KCNQ5: variants seen among roughly 807,000 people sequenced by gnomAD.
KCNQ5 encodes the protein potassium voltage-gated channel subfamily Q member 5.
Under a neutral mutation model 98.2 loss-of-function variants are expected in KCNQ5, and 30 were observed. The ratio of observed to expected loss-of-function variants is 0.31; its 90% CI spans 0.23 to 0.41. The LOEUF is 0.41. KCNQ5 is among the 10% of genes least tolerant of loss of function. The pLI is 1.00. For synonymous variants in KCNQ5, 458 were observed against 449.4 expected (o/e 1.02, Z -0.24); for missense variants, 835 against 1,182.5 (o/e 0.71, Z 4.31).
intron 1 of KCNQ5, among the ~76,000 whole-genome samples, chr6:72,856,362 T>C (rs1200209827): frequency 6.6e-6 from 1 of 151,926 alleles, no homozygotes; most frequent in Non-Finnish European, 1.5e-5. Flanking sequence ...AATTGGAAAA[T>C]GTATAATTTG....
At chr6:72,710,238 C>T (rs1769295450) in intron 1 of KCNQ5, among the ~76,000 whole-genome samples, 1 of 152,050 alleles carries the variant, frequency 6.6e-6, no homozygotes, top group African/African-American at 2.4e-5. Flanking sequence ...GAATTGTGTC[C>T]CCCCAAAATA....
At chr6:73,185,317 G>T (rs1562224953) in intron 11 of KCNQ5, among the ~76,000 whole-genome samples, 1 of 152,118 alleles carries the variant, frequency 6.6e-6, no homozygotes, top group Non-Finnish European at 1.5e-5. Flanking sequence ...AAGTAGCTGG[G>T]AGCATAGGCA....
At chr6:72,789,813 T>C (rs1773939389) in intron 1 of KCNQ5, among the ~76,000 whole-genome samples, 1 of 152,220 alleles carries the variant, frequency 6.6e-6, no homozygotes, top group East Asian at 1.9e-4. Flanking sequence ...TCTTTTCCCT[T>C]CCTAAAAATA....
intron 1 of KCNQ5, among the ~76,000 whole-genome samples, chr6:72,718,928 T>A (rs1769805145): frequency 6.6e-6 from 1 of 152,210 alleles, no homozygotes; most frequent in Non-Finnish European, 1.5e-5. Context: ...AATTTTGTTT[T>A]ATAAAAATAA....
chr6:72,933,525 C>G (rs73753213), intron 1 of KCNQ5, among the ~76,000 whole-genome samples: 4,565 of 152,246 alleles, frequency 0.03, 197 homozygotes, highest in African/African-American at 0.089. Context: ...AGTCTCTGCT[C>G]TGAGTACTTA....
At chr6:73,061,608 G>A (rs990127826) in intron 3 of KCNQ5, among the ~76,000 whole-genome samples, 1 of 152,080 alleles carries the variant, frequency 6.6e-6, no homozygotes, top group Non-Finnish European at 1.5e-5. Flanking sequence ...CTCAGTTCTA[G>A]GCTGAAGTAA....
intron 11 of KCNQ5, among the ~76,000 whole-genome samples, chr6:73,185,178 AAAG>A (rs1367563128): frequency 6.6e-6 from 1 of 152,164 alleles, no homozygotes; most frequent in East Asian, 1.9e-4. Context: ...AATTTCTATG[AAAG>A]AAGTGAGCTT....
chr6:73,165,815 G>C (rs980396096), intron 10 of KCNQ5, among the ~76,000 whole-genome samples: 25 of 152,036 alleles, frequency 1.6e-4, no homozygotes, highest in African/African-American at 5.8e-4. Flanking sequence ...TGTGGTGGTG[G>C]GCACCTATAA....
intron 1 of KCNQ5, among the ~76,000 whole-genome samples, chr6:72,850,449 C>G (rs373646665): frequency 6.6e-6 from 1 of 152,096 alleles, no homozygotes; most frequent in Non-Finnish European, 1.5e-5. Context: ...TTTTATTGAG[C>G]GCCTACTACA....
chr6:73,176,028 G>A (rs1778199312), intron 11 of KCNQ5, among the ~76,000 whole-genome samples: 1 of 152,190 alleles, frequency 6.6e-6, no homozygotes, highest in Non-Finnish European at 1.5e-5. Context: ...GGTTGAAGGT[G>A]GAGGACAAGG....
chr6:72,950,596 C>T lies in KCNQ5; in HGVS notation c.399-53312C>T, dbSNP rs190167504. On this transcript the variant is annotated intron_variant, in intron 1 of 13. Coordinates refer to ENST00000370398, the MANE Select transcript of KCNQ5 (RefSeq NM_019842.4). ...AGCCTGCTGCTGTACCTTGTATTCA[C>T]CTGGTGACAGTGATGACCAAGATGT... Among the ~76,000 whole-genome samples, 23 of 152,312 alleles carry T rather than the reference C, an allele frequency of 1.5e-4. No individual in the cohort carries two copies. In the East Asian group the frequency reaches 4.4e-3, roughly 29 times the overall value.
chr6:72,700,444 T>C (rs575618548), intron 1 of KCNQ5, among the ~76,000 whole-genome samples: 1 of 152,242 alleles, frequency 6.6e-6, no homozygotes, highest in Non-Finnish European at 1.5e-5. Flanking sequence ...CTTTCTCCCA[T>C]TCCTTTTTTA....
chr6:72,712,234 A>G (rs1302548526), intron 1 of KCNQ5, among the ~76,000 whole-genome samples: 2 of 152,234 alleles, frequency 1.3e-5, no homozygotes, highest in Admixed American at 1.3e-4. Flanking sequence ...GAACACCTAC[A>G]TTTATAGGCT....
chr6:72,797,024 A>G (rs1182423231), intron 1 of KCNQ5, among the ~76,000 whole-genome samples: 1 of 152,212 alleles, frequency 6.6e-6, no homozygotes, highest in Non-Finnish European at 1.5e-5. Flanking sequence ...ACGTTTTGTC[A>G]ACACACATTA....
intron 1 of KCNQ5, among the ~76,000 whole-genome samples, chr6:72,922,499 A>G (rs1420024399): frequency 1.3e-5 from 2 of 152,182 alleles, no homozygotes; most frequent in African/African-American, 4.8e-5. Context: ...TACCCACAAT[A>G]GATCTCCTGA....
intron 1 of KCNQ5, among the ~76,000 whole-genome samples, chr6:72,957,899 T>G (rs953097553): frequency 3.3e-5 from 5 of 152,146 alleles, no homozygotes; most frequent in African/African-American, 1.2e-4. Flanking sequence ...TTTCAATGTT[T>G]TCTATAAATC....
chr6:73,072,231 C>T (rs1380103971), intron 3 of KCNQ5, among the ~76,000 whole-genome samples: 1 of 152,180 alleles, frequency 6.6e-6, no homozygotes, highest in Admixed American at 6.5e-5. Flanking sequence ...TTCTAGAAGT[C>T]AAGATATACC....
At position 72,946,146 on chromosome 6, in the gene KCNQ5, G is replaced by A. The variant is rs187120222; in HGVS notation, c.399-57762G>A. On this transcript the variant is annotated intron_variant, in intron 1 of 13. Coordinates refer to ENST00000370398, the MANE Select transcript of KCNQ5 (RefSeq NM_019842.4). ...TGTTCAAGAGAAAACAGTTCCAAAC[G>A]GCCTTTTATAGAACCAATTGCTACA... Among the ~76,000 whole-genome samples, 51 of 152,166 alleles carry A rather than the reference G, an allele frequency of 3.4e-4. 1 individual carries two copies. The East Asian group carries it at 4.8e-3, about 14-fold the overall frequency.
intron 1 of KCNQ5, among the ~76,000 whole-genome samples, chr6:72,999,049 C>G (rs757443108): frequency 1.8e-4 from 27 of 152,148 alleles, no homozygotes; most frequent in Non-Finnish European, 3.2e-4. Context: ...AATAGGGTAA[C>G]TTGCCATGGT....
Sources: allele counts gnomAD v4.1 joint callset (sites outside exome capture counted in the v4.1 genomes callset), GRCh38; gene constraint gnomAD v4.1.1; transcripts MANE v1.5; gene names NCBI Gene and HGNC (gene_info 2026-07-23, HGNC 2026-07-21).